Variants in FAF1 observed in about 807,000 individuals in gnomAD.
FAF1 encodes the protein FAS-associated factor 1.
FAF1 carries 25 observed loss-of-function variants against 92.5 expected under a neutral mutation model. That is an observed-to-expected ratio of 0.27 (90% CI 0.20 to 0.38). FAF1 has a LOEUF of 0.38. Among genes scored for constraint, FAF1 ranks in the 10% least tolerant of loss-of-function variants. The probability of loss-of-function intolerance (pLI) is 1.00; values close to 1 mark genes in which losing one functional copy is unlikely to be tolerated. For synonymous variants in FAF1, 234 were observed against 273.2 expected, an observed-to-expected ratio of 0.86 and a Z score of 1.42; for missense variants, 636 against 793.3, an observed-to-expected ratio of 0.80 and a Z score of 2.38.
chr1:50,709,565 CT>C (rs1657829929), intron 6 of FAF1, among the ~76,000 whole-genome samples: 1 of 152,092 alleles, frequency 6.6e-6, no homozygotes, highest in Non-Finnish European at 1.5e-5. Flanking sequence ...TTAATTGCCC[CT>C]GGTCATCAAG....
chr1:50,542,510 C>T (rs1443145124), intron 13 of FAF1, among the ~76,000 whole-genome samples: 1 of 152,194 alleles, frequency 6.6e-6, no homozygotes, highest in Non-Finnish European at 1.5e-5. Context: ...GCATGGTTCT[C>T]ATAATTGTGG....
intron 4 of FAF1, among the ~76,000 whole-genome samples, chr1:50,769,101 A>T (rs1660685907): frequency 6.6e-6 from 1 of 152,118 alleles, no homozygotes; most frequent in Non-Finnish European, 1.5e-5. Flanking sequence ...CACAGTCAAA[A>T]ATGACAAAGG....
rs1650281540 is a variant in FAF1 at position 50,568,686 on chromosome 1, A to G, written c.1114-1455T>C. On this transcript the variant is annotated intron_variant, in intron 12 of 18. Transcript: ENST00000396153. ...AGAAAGCGGACTTGTCCCAAATGTCACAGATAGTTAGTAACTAATACAACG... is the reference window on the plus strand; with the variant it reads ...AGAAAGCGGACTTGTCCCAAATGTCGCAGATAGTTAGTAACTAATACAACG... 4.6e-5 allele frequency among the ~76,000 whole-genome samples: 7 copies of G among 152,302 alleles called. No individual in the cohort carries two copies. In the South Asian group the frequency reaches 1.5e-3, roughly 32 times the overall value.
At chr1:50,719,401 C>T (rs891858788) in intron 6 of FAF1, among the ~76,000 whole-genome samples, 2 of 152,224 alleles carry the variant, frequency 1.3e-5, no homozygotes, top group African/African-American at 4.8e-5. Flanking sequence ...TCTACAGCTA[C>T]TTTTAATTGC....
chr1:50,536,118 C>A (rs1648468785), intron 14 of FAF1, among the ~76,000 whole-genome samples: 1 of 152,076 alleles, frequency 6.6e-6, no homozygotes, highest in Non-Finnish European at 1.5e-5. Flanking sequence ...AAAAAGATTT[C>A]TTTTTTTGCC....
intron 1 of FAF1, among the ~76,000 whole-genome samples, chr1:50,916,423 C>A (rs1345656438): frequency 6.6e-6 from 1 of 152,190 alleles, no homozygotes; most frequent in Admixed American, 6.5e-5. Flanking sequence ...GACTTATCTT[C>A]ACATACAAAC....
At chr1:50,902,966 T>C (rs1255928340) in intron 1 of FAF1, among the ~76,000 whole-genome samples, 1 of 152,266 alleles carries the variant, frequency 6.6e-6, no homozygotes, top group South Asian at 2.1e-4. Flanking sequence ...ACTACACAAT[T>C]TGGGTGTTAT....
intron 8 of FAF1, among the ~76,000 whole-genome samples, chr1:50,601,448 A>C (rs1431256656): frequency 6.6e-6 from 1 of 152,102 alleles, no homozygotes; most frequent in Non-Finnish European, 1.5e-5. Context: ...TTGGGAGGCC[A>C]AGGAGGGCAG....
chr1:50,729,058 A>ATATATATATTTTT (rs1375923156), intron 6 of FAF1, among the ~76,000 whole-genome samples: 1 of 70,132 alleles, frequency 1.4e-5, no homozygotes, highest in African/African-American at 5.9e-5. Flanking sequence ...ATATATATAT[A>ATATATATATTTTT]TTTTTTTTTT....
intron 12 of FAF1, among the ~76,000 whole-genome samples, chr1:50,577,077 A>AC (rs1553228802): frequency 1.3e-5 from 2 of 152,054 alleles, no homozygotes. Context: ...TCCGTCCTGC[A>AC]TTTTTTTGCT....
intron 8 of FAF1, among the ~76,000 whole-genome samples, chr1:50,637,167 G>T (rs1267941507): frequency 6.6e-6 from 1 of 151,500 alleles, no homozygotes; most frequent in Admixed American, 6.6e-5. Flanking sequence ...TGGGCATGGT[G>T]GCTCACATCT....
chr1:50,727,472 C>A (rs972334453), intron 6 of FAF1, among the ~76,000 whole-genome samples: 16 of 152,204 alleles, frequency 1.1e-4, no homozygotes, highest in African/African-American at 3.9e-4. Flanking sequence ...ATTCGTTCCA[C>A]AAACACTTCC....
At chr1:50,469,894 T>A (rs1341711575) in intron 18 of FAF1, among the ~76,000 whole-genome samples, 1 of 152,038 alleles carries the variant, frequency 6.6e-6, no homozygotes, top group East Asian at 1.9e-4. Flanking sequence ...TACTGAAAAA[T>A]TTCAAATAAC....
chr1:50,575,461 A>G (rs1431325867), intron 12 of FAF1, among the ~76,000 whole-genome samples: 1 of 152,212 alleles, frequency 6.6e-6, no homozygotes, highest in African/African-American at 2.4e-5. Flanking sequence ...AGATTTTTTT[A>G]AAAATCACAT....
chr1:50,863,985 T>G (rs1381394669), intron 1 of FAF1, among the ~76,000 whole-genome samples: 1 of 152,012 alleles, frequency 6.6e-6, no homozygotes. Context: ...TCTAGTTTAT[T>G]TGCGTAGAGG....
In FAF1 at chr1:50,769,979, A is replaced by T. The variant is rs138532669; in HGVS notation, c.367+18021T>A. 6.2e-3 allele frequency among the ~76,000 whole-genome samples: 947 copies of T among 152,266 alleles called. 7 individuals carry two copies. Among genetic ancestry groups the T allele is most frequent in the Middle Eastern group, 0.031 (9 of 294 alleles). On this transcript the variant is annotated intron_variant, in intron 4 of 18. Coordinates refer to ENST00000396153, the MANE Select transcript of FAF1 (RefSeq NM_007051.3). ...GGCAAGAGAATCACTTGAACCCGGG[A>T]GGCGGACGTTGCAGTGAGCCGAGAT...
At chr1:50,481,266 C>T (rs1227827720) in intron 17 of FAF1, among the ~76,000 whole-genome samples, 1 of 152,268 alleles carries the variant, frequency 6.6e-6, no homozygotes, top group Non-Finnish European at 1.5e-5. Flanking sequence ...ATGTAATGTC[C>T]TAGGCCTTCA....
chr1:50,885,776 T>C (rs889415437), intron 1 of FAF1, among the ~76,000 whole-genome samples: 1 of 152,186 alleles, frequency 6.6e-6, no homozygotes, highest in Non-Finnish European at 1.5e-5. Context: ...TTGCCTTCCT[T>C]TCTTCCTTTT....
intron 1 of FAF1, among the ~76,000 whole-genome samples, chr1:50,908,820 C>G (rs2124718734): frequency 6.6e-6 from 1 of 152,202 alleles, no homozygotes; most frequent in South Asian, 2.1e-4. Context: ...GGTCTTGACT[C>G]TTTATCCAAT....
Sources: allele counts gnomAD v4.1 joint callset (sites outside exome capture counted in the v4.1 genomes callset), GRCh38; gene constraint gnomAD v4.1.1; transcripts MANE v1.5; gene names NCBI Gene and HGNC (gene_info 2026-07-23, HGNC 2026-07-21).